The following IL17RD variants were observed in gnomAD, a reference collection of about 807,000 sequenced individuals.
IL17RD encodes the protein interleukin 17 receptor D.
A neutral mutation model predicts 80.5 loss-of-function variants in IL17RD; 52 were observed. The ratio of observed to expected loss-of-function variants is 0.65; its 90% CI spans 0.52 to 0.81. The LOEUF (loss-of-function observed/expected upper bound fraction) is 0.81. IL17RD is among the 40% of genes least tolerant of loss of function. The pLI is 0.00. For missense variants in IL17RD, 1,024 were observed against 955.1 expected, an observed-to-expected ratio of 1.07 and a Z score of -0.95; for synonymous variants, 416 against 391.8, an observed-to-expected ratio of 1.06 and a Z score of -0.73.
chr3:57,149,710 T>A (rs1228895828), intron 1 of IL17RD, among the ~76,000 whole-genome samples: 1 of 152,172 alleles, frequency 6.6e-6, no homozygotes, highest in Non-Finnish European at 1.5e-5. Context: ...GGGAAGAACA[T>A]TTTTTGTCAC....
intron 1 of IL17RD, among the ~76,000 whole-genome samples, chr3:57,141,058 G>C (rs1227540141): frequency 6.6e-6 from 1 of 151,904 alleles, no homozygotes; most frequent in African/African-American, 2.4e-5. Flanking sequence ...ATCATGCCTG[G>C]CTAATTTTTA....
chr3:57,098,251 G>A lies in IL17RD; in HGVS notation c.1452C>T (p.Cys484=), dbSNP rs1451146649. ...KFIAVYFDYS[C]EGDVPGILDL... ...CTAGGATACCGGGGACGTCTCCCTC[G>A]CAGGAATAATCAAAGTAGACGGCGA... The change falls in exon 12 of 13, where the codon TGC becomes TGT. Residue 484 remains cysteine, a synonymous_variant. Transcript: ENST00000296318. The A allele has an allele frequency of 1.9e-6, 3 of 1,613,862 alleles. No individual in the cohort carries two copies. The highest frequency in any genetic ancestry group is 1.1e-5 in the South Asian group (1 of 91,070).
chr3:57,109,167 G>T (rs749271876), intron 5 of IL17RD, among the ~76,000 whole-genome samples: 1 of 152,058 alleles, frequency 6.6e-6, no homozygotes, highest in Non-Finnish European at 1.5e-5. Flanking sequence ...GTTTCCCCCT[G>T]AGATGGAATC....
chr3:57,119,530 A>G (rs538322834), intron 2 of IL17RD, among the ~76,000 whole-genome samples: 9 of 152,208 alleles, frequency 5.9e-5, no homozygotes, highest in East Asian at 1.9e-4. Context: ...CTCTATCTCA[A>G]AAAAGAAAAA....
chr3:57,134,827 A>C, intron 1 of IL17RD: 1 of 372,262 alleles, frequency 2.7e-6, no homozygotes, highest in Non-Finnish European at 5.1e-6. Context: ...TAAGCTAAGA[A>C]TGGGGGCTAG....
chr3:57,131,674 C>T (rs918875030), intron 1 of IL17RD, among the ~76,000 whole-genome samples: 8 of 152,204 alleles, frequency 5.3e-5, no homozygotes, highest in African/African-American at 1.7e-4. Flanking sequence ...ACTTTGCTCT[C>T]ATTTACCCCT....
intron 4 of IL17RD, 36 bp downstream of exon 4, chr3:57,110,157 C>T (rs1469679360): frequency 1.3e-6 from 2 of 1,559,612 alleles, no homozygotes; most frequent in South Asian, 2.4e-5. Context: ...GGAACAATGG[C>T]ATGTCTTCAG....
At position 57,092,481 on chromosome 3, in the gene IL17RD, C is replaced by G. The variant is rs1033745091; in HGVS notation, c.*3912G>C. ...GTGGGCGCCTGTAGTCCCAGCTACT[C>G]AGGAGGCTGAGGCAGGAGAATGGCG... On this transcript the variant is annotated 3_prime_UTR_variant, in exon 13 of 13. Coordinates refer to ENST00000296318, the MANE Select transcript of IL17RD (RefSeq NM_017563.5). 2 of 151,832 alleles carry G rather than the reference C, an allele frequency of 1.3e-5. No individual in the cohort carries two copies. The highest frequency in any genetic ancestry group is 4.8e-5 in the African/African-American group (2 of 41,292). 9.4% of individuals were successfully genotyped at this position (151,832 alleles called of 1,614,324 possible).
chr3:57,103,238 AGTGGGC>A (rs1706878729), intron 8 of IL17RD, 93 bp from the exon 9 acceptor site: 3 of 1,113,264 alleles, frequency 2.7e-6, no homozygotes, highest in African/African-American at 1.6e-5. Flanking sequence ...CTTTTCCATC[AGTGGGC>A]AGTGCGGGAA....
chr3:57,117,716 G>C (rs1391279482), intron 2 of IL17RD, among the ~76,000 whole-genome samples: 1 of 152,146 alleles, frequency 6.6e-6, no homozygotes, highest in African/African-American at 2.4e-5. Flanking sequence ...CCCTGTGGAA[G>C]ACAGAAATAT....
chr3:57,110,428 T>G, intron 3 of IL17RD, 117 bp from the exon 4 acceptor site: 2 of 1,151,250 alleles, frequency 1.7e-6, no homozygotes, highest in Non-Finnish European at 2.5e-6. Flanking sequence ...GAATTCTAAC[T>G]GTGGCCAGGG....
At chr3:57,156,328 C>T (rs937183325) in intron 1 of IL17RD, among the ~76,000 whole-genome samples, 2 of 152,094 alleles carry the variant, frequency 1.3e-5, no homozygotes, top group Admixed American at 6.6e-5. Context: ...TGTCTGTAAA[C>T]CCAAGTGGGC....
chr3:57,141,706 T>C (rs1707832332), intron 1 of IL17RD, among the ~76,000 whole-genome samples: 1 of 152,194 alleles, frequency 6.6e-6, no homozygotes, highest in African/African-American at 2.4e-5. Context: ...TCTAAGTTTC[T>C]TTTGCAATTC....
intron 1 of IL17RD, among the ~76,000 whole-genome samples, chr3:57,139,567 G>A (rs1390422122): frequency 2.7e-5 from 4 of 146,390 alleles, no homozygotes; most frequent in Admixed American, 6.9e-5. Context: ...AGGCTGTAGT[G>A]CAGTGGCATG....
At position 57,096,389 on chromosome 3, in the gene IL17RD, T is replaced by C; in HGVS notation, c.*4A>G. On this transcript the variant is annotated 3_prime_UTR_variant, in exon 13 of 13. Transcript: ENST00000296318. ...AGTGGCAATGCTTAGACTCTTTCGT[T>C]TTGTTACAAAGGGGCGACCGCGTGG... is the stretch of plus-strand genomic sequence containing the variant. 3 of 1,606,756 alleles carry C rather than the reference T, an allele frequency of 1.9e-6. No homozygotes were observed. In the South Asian group the frequency reaches 3.3e-5, roughly 18 times the overall value.
intron 1 of IL17RD, among the ~76,000 whole-genome samples, chr3:57,163,034 C>G (rs1402879082): frequency 6.6e-6 from 1 of 152,056 alleles, no homozygotes; most frequent in Non-Finnish European, 1.5e-5. Context: ...GGGCATCCAT[C>G]CGGAGTTAGG....
intron 1 of IL17RD, among the ~76,000 whole-genome samples, chr3:57,138,146 T>C (rs1229736339): frequency 1.3e-5 from 2 of 152,158 alleles, no homozygotes; most frequent in Non-Finnish European, 2.9e-5. Flanking sequence ...AATTTCCATT[T>C]AGGAAGGTGA....
chr3:57,111,085 G>A lies in IL17RD; in HGVS notation c.311-774C>T, dbSNP rs777636503. On this transcript the variant is annotated intron_variant, in intron 3 of 12. Transcript: ENST00000296318. The stretch of plus-strand genomic sequence containing the variant: ...CCAGCACCGGGTTTGTGTATCCCAC[G>A]GAGACTGAAGTGGTCCAGCTGCAGC... Among the ~76,000 whole-genome samples the A allele has an allele frequency of 5.3e-4, 81 of 152,356 alleles. 1 individual carries two copies. Among genetic ancestry groups the A allele is most frequent in the Middle Eastern group, 3.4e-3 (1 of 294 alleles).
chr3:57,096,708 T>C (rs948568911), intron 12 of IL17RD, among the ~76,000 whole-genome samples: 1 of 152,156 alleles, frequency 6.6e-6, no homozygotes, highest in African/African-American at 2.4e-5. Flanking sequence ...AAGAGATATT[T>C]CTTAAAAGTC....
Sources: gnomAD v4.1 joint callset for allele counts (sites outside exome capture counted in the v4.1 genomes callset) on GRCh38, gnomAD v4.1.1 for gene constraint, MANE v1.5 for transcripts, NCBI Gene and HGNC (gene_info 2026-07-23, HGNC 2026-07-21) for gene names.